Variants in CPQ observed in about 807,000 individuals in gnomAD.
CPQ encodes the protein Ser-Met dipeptidase.
Under a neutral mutation model 45.7 loss-of-function variants are expected in CPQ, and 37 were observed. The ratio of observed to expected loss-of-function variants is 0.81; its 90% CI spans 0.62 to 1.07. CPQ has a LOEUF of 1.07. Among genes scored for constraint, CPQ ranks in the 50% least tolerant of loss-of-function variants. The pLI is 0.00. For synonymous variants in CPQ, 186 were observed against 205.8 expected (o/e 0.90, Z 0.82); for missense variants, 537 against 572.9 (o/e 0.94, Z 0.64).
chr8:97,050,073 G>A (rs1488298861), intron 6 of CPQ, among the ~76,000 whole-genome samples: 1 of 152,150 alleles, frequency 6.6e-6, no homozygotes, highest in East Asian at 1.9e-4. Flanking sequence ...CTTAGTACCT[G>A]AGTGGGAGGC....
intron 5 of CPQ, among the ~76,000 whole-genome samples, chr8:96,988,031 A>G (rs1174247526): frequency 6.6e-6 from 1 of 152,202 alleles, no homozygotes; most frequent in Admixed American, 6.5e-5. Context: ...TTTAGATTCA[A>G]AAATGTGTGA....
chr8:97,043,162 G>T (rs1427038465), intron 6 of CPQ, among the ~76,000 whole-genome samples: 1 of 152,268 alleles, frequency 6.6e-6, no homozygotes, highest in African/African-American at 2.4e-5. Flanking sequence ...TTATGAATCT[G>T]GGTGCTCCTG....
At chr8:96,951,855 T>TC (rs977948562) in intron 4 of CPQ, among the ~76,000 whole-genome samples, 19 of 151,524 alleles carry the variant, frequency 1.3e-4, no homozygotes, top group Non-Finnish European at 2.5e-4. Context: ...AGAGAATTGT[T>TC]TTTTTTTTGA....
chr8:96,753,555 A>C (rs1475456836), intron 1 of CPQ, among the ~76,000 whole-genome samples: 2 of 139,352 alleles, frequency 1.4e-5, no homozygotes, highest in African/African-American at 5.0e-5. Flanking sequence ...TAAGAAATTT[A>C]TAGTTTGTAA....
intron 4 of CPQ, among the ~76,000 whole-genome samples, chr8:96,959,058 T>C (rs1406261663): frequency 1.3e-5 from 2 of 152,168 alleles, no homozygotes; most frequent in African/African-American, 4.8e-5. Context: ...GAGGAAAATA[T>C]TTGTTCAAAC....
At chr8:96,958,668 G>C (rs1813398345) in intron 4 of CPQ, among the ~76,000 whole-genome samples, 1 of 152,100 alleles carries the variant, frequency 6.6e-6, no homozygotes. Flanking sequence ...GATAAATTAG[G>C]TCCTTCTTGT....
intron 6 of CPQ, among the ~76,000 whole-genome samples, chr8:97,053,201 C>T (rs1330721137): frequency 6.6e-6 from 1 of 152,180 alleles, no homozygotes; most frequent in Admixed American, 6.5e-5. Context: ...TCAGTCAGCA[C>T]ATGTTTACTG....
intron 1 of CPQ, among the ~76,000 whole-genome samples, chr8:96,746,431 T>C (rs1810183301): frequency 6.6e-6 from 1 of 152,178 alleles, no homozygotes; most frequent in African/African-American, 2.4e-5. Flanking sequence ...TGTTGACACA[T>C]TCTACCATGT....
In CPQ at chr8:97,066,015, A is replaced by G. The variant is rs752978870; in HGVS notation, c.1060A>G (p.Ile354Val). The part of the protein sequence containing the change: ...FQYYQLHKVN[I>V]SNYSLVMESD... ...AATTTTCTCTTGTGTTTAGGTAAAT[A>G]TTTCCAACTACAGTCTGGTGATGGA... is the stretch of plus-strand genomic sequence containing the variant. The change falls in exon 7 of 8, where the codon ATT becomes GTT. Residue 354 changes from isoleucine (I) to valine (V), a missense_variant. Transcript: ENST00000220763. The G allele has an allele frequency of 9.3e-6, 15 of 1,609,932 alleles. No homozygotes were observed. In the African/African-American group the frequency reaches 1.9e-4, roughly 20 times the overall value.
intron 1 of CPQ, among the ~76,000 whole-genome samples, chr8:96,676,216 C>T (rs991549018): frequency 3.3e-5 from 5 of 151,944 alleles, no homozygotes; most frequent in African/African-American, 1.2e-4. Flanking sequence ...AGGACTTATT[C>T]CTTCTACGTT....
chr8:96,920,733 C>A (rs550477303), intron 4 of CPQ, among the ~76,000 whole-genome samples: 1 of 152,060 alleles, frequency 6.6e-6, no homozygotes, highest in Admixed American at 6.6e-5. Flanking sequence ...GAAATTTGGA[C>A]ACACAAAGGG....
intron 7 of CPQ, among the ~76,000 whole-genome samples, chr8:97,114,878 G>A (rs1263274842): frequency 6.6e-6 from 1 of 152,096 alleles, no homozygotes; most frequent in Admixed American, 6.6e-5. Context: ...CCTCCCTCCT[G>A]CTTTCCTAAA....
intron 1 of CPQ, among the ~76,000 whole-genome samples, chr8:96,727,095 A>G (rs764000780): frequency 8.5e-5 from 13 of 152,172 alleles, no homozygotes; most frequent in Non-Finnish European, 1.9e-4. Context: ...TCTTGTGCAT[A>G]TCTCTTTTTG....
intron 4 of CPQ, among the ~76,000 whole-genome samples, chr8:96,898,972 A>G (rs1237256807): frequency 1.3e-5 from 2 of 152,132 alleles, no homozygotes; most frequent in African/African-American, 4.8e-5. Flanking sequence ...ATGTCCCCCT[A>G]TGGGTGGTGA....
At chr8:96,937,166 G>A (rs1461056589) in intron 4 of CPQ, among the ~76,000 whole-genome samples, 1 of 152,052 alleles carries the variant, frequency 6.6e-6, no homozygotes, top group Non-Finnish European at 1.5e-5. Flanking sequence ...TTTCAATATA[G>A]TATAATAAAT....
chr8:97,056,567 A>G (rs1442582884), intron 6 of CPQ: 2 of 152,238 alleles, frequency 1.3e-5, no homozygotes, highest in Non-Finnish European at 1.5e-5. Flanking sequence ...GGTGCTCACT[A>G]ATGGTTTCCA....
At chr8:97,045,219 C>A (rs949923466) in intron 6 of CPQ, among the ~76,000 whole-genome samples, 1 of 152,166 alleles carries the variant, frequency 6.6e-6, no homozygotes, top group Non-Finnish European at 1.5e-5. Flanking sequence ...GCCTCGCTGC[C>A]GCCTTGCAGT....
intron 1 of CPQ, among the ~76,000 whole-genome samples, chr8:96,680,781 A>C (rs1809139964): frequency 6.6e-6 from 1 of 152,130 alleles, no homozygotes; most frequent in Non-Finnish European, 1.5e-5. Flanking sequence ...CTCCCTAGAG[A>C]CTTGTTGAAT....
rs181267895 is a variant in CPQ, at chr8:97,041,520, T to C, written c.1053+12026T>C. 4.1e-3 allele frequency among the ~76,000 whole-genome samples: 630 copies of C among 152,340 alleles called. 17 individuals carry two copies. Among genetic ancestry groups the C allele is most frequent in the Admixed American group, 0.029 (446 of 15,296 alleles). On this transcript the variant is annotated intron_variant, in intron 6 of 7. Coordinates refer to ENST00000220763, the MANE Select transcript of CPQ (RefSeq NM_016134.4). ...GCCCTGGCCAGAACTTCCAACACTA[T>C]GCTGAATAGGAGTGGTGAGAGAGGG... is the stretch of plus-strand genomic sequence containing the variant.
Sources: allele counts gnomAD v4.1 joint callset (sites outside exome capture counted in the v4.1 genomes callset), GRCh38; gene constraint gnomAD v4.1.1; transcripts MANE v1.5; gene names NCBI Gene and HGNC (gene_info 2026-07-23, HGNC 2026-07-21).